Variants in MLYCD observed in about 807,000 individuals in gnomAD.
MLYCD encodes malonyl-CoA decarboxylase, also known as malonyl-CoA decarboxylase, mitochondrial.
MLYCD carries 27 observed loss-of-function variants against 35.8 expected under a neutral mutation model. The ratio of observed to expected loss-of-function variants is 0.75; its 90% CI spans 0.56 to 1.04. The LOEUF is 1.04. Among genes scored for constraint, MLYCD ranks in the 50% least tolerant of loss-of-function variants. MLYCD has a pLI of 0.00. For synonymous variants in MLYCD, 403 were observed against 302.4 expected (o/e 1.33, Z -3.45); for missense variants, 917 against 665.1 (o/e 1.38, Z -4.17).
At chr16:83,901,023 ATAAT>A (rs1017535345) in intron 1 of MLYCD, among the ~76,000 whole-genome samples, 8 of 152,228 alleles carry the variant, frequency 5.3e-5, no homozygotes, top group Non-Finnish European at 8.8e-5. Context: ...AAAATTGGGC[ATAAT>A]TAAGTATGGG....
Position 83,918,510 on chromosome 16 carries a change from GAGA to G in MLYCD, c.*3023_*3025del, listed in dbSNP as rs1373863942. ...ACAGGAGAACACGCACAGTGCACAGGAGAACACAGAGTGCACAGGAGAACACAT... is the reference window on the plus strand; with the variant it reads ...ACAGGAGAACACGCACAGTGCACAGGACACAGAGTGCACAGGAGAACACAT... On this transcript the variant is annotated 3_prime_UTR_variant, in exon 5 of 5. Coordinates refer to ENST00000262430, the MANE Select transcript of MLYCD (RefSeq NM_012213.3). The G allele has an allele frequency of 7.7e-6, 1 of 129,722 alleles. No homozygotes were observed. The highest frequency in any genetic ancestry group is 1.6e-5 in the Non-Finnish European group (1 of 62,742). The allele number at this position is 129,722 out of a possible 1,614,324, so 8.0% of individuals were successfully genotyped here.
chr16:83,914,620 A>G (rs1907303754), intron 4 of MLYCD: 1 of 376,936 alleles, frequency 2.7e-6, no homozygotes, highest in East Asian at 6.7e-5. Flanking sequence ...CAGGTTCCTG[A>G]TAAATATTTC....
At chr16:83,908,057 G>A in intron 2 of MLYCD, 69 bp from the exon 3 acceptor site, 1 of 1,584,340 alleles carries the variant, frequency 6.3e-7, no homozygotes, top group South Asian at 1.1e-5. Context: ...CGAATAGTAT[G>A]AATAGGAGTC....
In MLYCD at chr16:83,899,223, C is replaced by T; in HGVS notation, c.79C>T (p.Leu27=). ...RLPPRPPGPR[L]ASGQAAGALE... ...GCCCCCGCGGCCGCCCGGGCCCCGGCTGGCGAGCGGGCAGGCGGCCGGCGC... is the reference window on the plus strand; with the variant it reads ...GCCCCCGCGGCCGCCCGGGCCCCGGTTGGCGAGCGGGCAGGCGGCCGGCGC... The change falls in exon 1 of 5, where the codon CTG becomes TTG. Residue 27 remains leucine (L), a synonymous_variant. Transcript: ENST00000262430. 1.6e-6 allele frequency: 2 copies of T among 1,229,908 alleles called. No homozygotes were observed. The highest frequency in any genetic ancestry group is 2.0e-6 in the Non-Finnish European group (2 of 989,790). 76.2% of individuals were successfully genotyped at this position (1,229,908 alleles called of 1,614,324 possible).
rs1907441866 is a variant in MLYCD at position 83,917,158 on chromosome 16, TGTGC to T, written c.*1673_*1676del. Reference sequence around the variant, plus strand: ...TTCTATGTGGATCAGTGCACGCCTGTGTGCGTGTGCACGAGCGTCTCTGTGTGTG... The same window carrying T: ...TTCTATGTGGATCAGTGCACGCCTGTGTGTGCACGAGCGTCTCTGTGTGTG... On this transcript the variant is annotated 3_prime_UTR_variant, in exon 5 of 5. Coordinates refer to ENST00000262430, the MANE Select transcript of MLYCD (RefSeq NM_012213.3). The T allele has an allele frequency of 1.4e-5, 2 of 138,910 alleles. No individual in the cohort carries two copies. The highest frequency in any genetic ancestry group is 5.6e-5 in the African/African-American group (2 of 36,004). 8.6% of individuals were successfully genotyped at this position (138,910 alleles called of 1,614,324 possible).
Position 83,918,104 on chromosome 16 carries a change from C to G in MLYCD, c.*2615C>G, listed in dbSNP as rs1262913401. On this transcript the variant is annotated 3_prime_UTR_variant, in exon 5 of 5. Coordinates refer to ENST00000262430, the MANE Select transcript of MLYCD (RefSeq NM_012213.3). ...CATTTTACTATTGCGGCCAAGGAGC[C>G]CTCCCTCCAGCAAGGCGGCTCATCA... The G allele has an allele frequency of 1.3e-5, 2 of 152,234 alleles. No homozygotes were observed. The highest frequency in any genetic ancestry group is 1.9e-4 in the East Asian group (1 of 5,206). 9.4% of individuals were successfully genotyped at this position (152,234 alleles called of 1,614,324 possible).
intron 1 of MLYCD, among the ~76,000 whole-genome samples, chr16:83,902,290 C>G (rs1012304790): frequency 6.7e-6 from 1 of 149,854 alleles, no homozygotes; most frequent in Non-Finnish European, 1.5e-5. Context: ...TCTTGAACTC[C>G]TGGCCTCAAG....
Position 83,918,479 on chromosome 16 carries a change from CA to C in MLYCD, c.*2991del. On this transcript the variant is annotated 3_prime_UTR_variant, in exon 5 of 5. Transcript: ENST00000262430. ...CACACGGTGCACAGGAGAACACACA[CA>C]GTGCACAGGAGAACACGCACAGTGC... 1 of 131,574 alleles carries C rather than the reference CA, an allele frequency of 7.6e-6. No homozygotes were observed. Among genetic ancestry groups the C allele is most frequent in the African/African-American group, 2.8e-5 (1 of 36,120 alleles). The allele number at this position is 131,574 out of a possible 1,614,324, so 8.2% of individuals were successfully genotyped here. A position where few individuals can be genotyped will look rare whatever the true frequency, so the allele number is the denominator to read the frequency against.
At chr16:83,909,620 G>GTTTT (rs1281867257) in intron 3 of MLYCD, among the ~76,000 whole-genome samples, 1 of 130,818 alleles carries the variant, frequency 7.6e-6, no homozygotes, top group South Asian at 2.5e-4. Context: ...GTGGTGTTGT[G>GTTTT]TTTTTTTTTT....
Position 83,915,073 on chromosome 16 carries a change from A to G in MLYCD, c.1066A>G (p.Thr356Ala). 1 of 1,614,226 alleles carries G rather than the reference A, an allele frequency of 6.2e-7. No individual in the cohort carries two copies. Among genetic ancestry groups the G allele is most frequent in the Non-Finnish European group, 8.5e-7 (1 of 1,180,042 alleles). Residue 356 changes from threonine (T) to alanine (A), a missense_variant, in exon 5 of 5, where the codon ACA (threonine) becomes GCA (alanine). Transcript: ENST00000262430. ...TKEHGRNELFTDSECKEISEI... is the reference protein window; with the variant it reads ...TKEHGRNELFADSECKEISEI... ...GGAGCATGGGAGGAATGAACTCTTT[A>G]CAGATTCGGAATGTAAGGAAATCTC... is the stretch of plus-strand genomic sequence containing the variant.
At chr16:83,913,870 C>G (rs1446247068) in intron 4 of MLYCD, 1 of 150,148 alleles carries the variant, frequency 6.7e-6, no homozygotes, top group African/African-American at 2.4e-5. Flanking sequence ...CACGAATGCC[C>G]AACGAGAGGA....
At position 83,925,480 on chromosome 16, in the gene MLYCD, T is replaced by C. The variant is rs1907777886; in HGVS notation, c.*9991T>C. On this transcript the variant is annotated 3_prime_UTR_variant, in exon 5 of 5. Coordinates refer to ENST00000262430, the MANE Select transcript of MLYCD (RefSeq NM_012213.3). ...TAACCTCGCAGGTGCTCTGCCCACC[T>C]GCCTACGCCAGACTCTTCCAGATCC... is the stretch of plus-strand genomic sequence containing the variant. The C allele has an allele frequency of 6.6e-6, 1 of 152,328 alleles. No individual in the cohort carries two copies. Among genetic ancestry groups the C allele is most frequent in the East Asian group, 1.9e-4 (1 of 5,180 alleles). The allele number at this position is 152,328 out of a possible 1,614,324, so 9.4% of individuals were successfully genotyped here. A position where few individuals can be genotyped will look rare whatever the true frequency, so the allele number is the denominator to read the frequency against.
rs1395474782 is a variant in MLYCD at position 83,899,332 on chromosome 16, C to T, written c.188C>T (p.Pro63Leu). The T allele has an allele frequency of 4.0e-6, 6 of 1,506,964 alleles. No individual in the cohort carries two copies. Among genetic ancestry groups the T allele is most frequent in the Middle Eastern group, 1.9e-4 (1 of 5,192 alleles). 93.3% of individuals were successfully genotyped at this position (1,506,964 alleles called of 1,614,324 possible). ...GAGCTGCGCGAGAAGACACCGGCGC[C>T]CGCCGAGGGTCAGTGCGCGGACTTC... The part of the protein sequence containing the change: ...AYELREKTPA[P>L]AEGQCADFVS... Residue 63 changes from proline to leucine, a missense_variant, in exon 1 of 5, where the codon CCC becomes CTC. Pro to Leu is a moderately conservative substitution (Grantham distance 98, BLOSUM62 -3). Coordinates refer to ENST00000262430, the MANE Select transcript of MLYCD (RefSeq NM_012213.3).
chr16:83,899,716 C>G (rs1597286326), intron 1 of MLYCD, 44 bp downstream of exon 1: 4 of 1,480,950 alleles, frequency 2.7e-6, no homozygotes, highest in Non-Finnish European at 3.6e-6. Flanking sequence ...GACTGGCCGC[C>G]CTCCTCGAGT....
In MLYCD at chr16:83,916,217, T is replaced by C. The variant is rs576113736; in HGVS notation, c.*728T>C. The C allele has an allele frequency of 1.0e-6, 1 of 987,308 alleles. No homozygotes were observed. Among genetic ancestry groups the C allele is most frequent in the East Asian group, 1.1e-4 (1 of 8,774 alleles). 61.2% of individuals were successfully genotyped at this position (987,308 alleles called of 1,614,324 possible). A position where few individuals can be genotyped will look rare whatever the true frequency, so the allele number is the denominator to read the frequency against. ...GTGTAGTGGTGGTCGTCTTTAAGATTAGAGACCTGGGAAGGCTGGAATCAG... is the reference window on the plus strand; with the variant it reads ...GTGTAGTGGTGGTCGTCTTTAAGATCAGAGACCTGGGAAGGCTGGAATCAG... On this transcript the variant is annotated 3_prime_UTR_variant, in exon 5 of 5. Coordinates refer to ENST00000262430, the MANE Select transcript of MLYCD (RefSeq NM_012213.3).
At chr16:83,904,229 C>T (rs968887850) in intron 1 of MLYCD, among the ~76,000 whole-genome samples, 4 of 152,174 alleles carry the variant, frequency 2.6e-5, no homozygotes, top group African/African-American at 9.7e-5. Context: ...ACCTCTTACG[C>T]AGAGCTCAGC....
rs201525145 is a variant in MLYCD at position 83,908,311 on chromosome 16, A to T, written c.798+29A>T. On this transcript the variant is annotated intron_variant, in intron 3 of 4. Coordinates refer to ENST00000262430, the MANE Select transcript of MLYCD (RefSeq NM_012213.3). Reference sequence around the variant, plus strand: ...CCTGCGATGGTCAATTCGGGACAAGATGGGCACCCCATAGAGCCCCTTGTG... The same window carrying T: ...CCTGCGATGGTCAATTCGGGACAAGTTGGGCACCCCATAGAGCCCCTTGTG... 4.3e-6 allele frequency: 7 copies of T among 1,612,346 alleles called. 1 individual carries two copies. The South Asian group carries it at 7.7e-5, about 18-fold the overall frequency.
In MLYCD at chr16:83,919,383, G is replaced by C. The variant is rs1907565617; in HGVS notation, c.*3894G>C. Reference sequence around the variant, plus strand: ...CACACACAGTGCACAGGAGAACACAGTGCACAGGAGAACACACACTGCACA... The same window carrying C: ...CACACACAGTGCACAGGAGAACACACTGCACAGGAGAACACACACTGCACA... On this transcript the variant is annotated 3_prime_UTR_variant, in exon 5 of 5. Transcript: ENST00000262430. 6.8e-6 allele frequency: 1 copy of C among 147,276 alleles called. No individual in the cohort carries two copies. Among genetic ancestry groups the C allele is most frequent in the Non-Finnish European group, 1.5e-5 (1 of 67,456 alleles). 9.1% of individuals were successfully genotyped at this position (147,276 alleles called of 1,614,324 possible).
rs898572209 is a variant in MLYCD at position 83,923,023 on chromosome 16, C to T, written c.*7534C>T. ...CTAGCTCCAGACTGGCTCTGCAGGG[C>T]CTCAGAATCTGAACTCCCTGTGGTC... On this transcript the variant is annotated 3_prime_UTR_variant, in exon 5 of 5. Transcript: ENST00000262430. 32 of 152,264 alleles carry T rather than the reference C, an allele frequency of 2.1e-4. No individual in the cohort carries two copies. Among genetic ancestry groups the T allele is most frequent in the African/African-American group, 7.2e-4 (30 of 41,466 alleles). 9.4% of individuals were successfully genotyped at this position (152,264 alleles called of 1,614,324 possible). A position where few individuals can be genotyped will look rare whatever the true frequency, so the allele number is the denominator to read the frequency against.
Sources: gnomAD v4.1 joint callset for allele counts (sites outside exome capture counted in the v4.1 genomes callset) on GRCh38, gnomAD v4.1.1 for gene constraint, MANE v1.5 for transcripts, NCBI Gene and HGNC (gene_info 2026-07-23, HGNC 2026-07-21) for gene names.